Variants in RBFOX1 observed in about 807,000 individuals in gnomAD.
The protein encoded by RBFOX1 is RNA binding protein fox-1 homolog 1.
In RBFOX1, 8 loss-of-function variants were observed where a neutral mutation model predicts 57.7. The observed-to-expected ratio is 0.14, with a 90% CI of 0.08 to 0.25. The LOEUF is 0.25. Among genes scored for constraint, RBFOX1 ranks in the 10% least tolerant of loss-of-function variants. RBFOX1 has a pLI of 1.00. For synonymous variants in RBFOX1, 326 were observed against 222.4 expected, an observed-to-expected ratio of 1.47 and a Z score of -4.15; for missense variants, 611 against 548.5, an observed-to-expected ratio of 1.11 and a Z score of -1.14.
At chr16:6,787,814 G>A (rs934169886) in intron 3 of RBFOX1, among the ~76,000 whole-genome samples, 3 of 152,142 alleles carry the variant, frequency 2.0e-5, no homozygotes, top group African/African-American at 4.8e-5. Flanking sequence ...CTTAATCCAC[G>A]TCTACTGAAA....
chr16:6,785,556 A>G (rs1295015345), intron 3 of RBFOX1, among the ~76,000 whole-genome samples: 2 of 152,182 alleles, frequency 1.3e-5, no homozygotes, highest in Admixed American at 1.3e-4. Context: ...CCACTTAAAT[A>G]AAAACTTCAA....
At chr16:5,413,944 C>G (rs542163289) in intron 1 of RBFOX1, among the ~76,000 whole-genome samples, 5 of 152,264 alleles carry the variant, frequency 3.3e-5, no homozygotes, top group Middle Eastern at 3.4e-3. Flanking sequence ...CTTACGGAAT[C>G]AAATCCCTTT....
At chr16:6,575,893 A>G (rs924410536) in intron 2 of RBFOX1, among the ~76,000 whole-genome samples, 52 of 151,240 alleles carry the variant, frequency 3.4e-4, no homozygotes, top group Non-Finnish European at 1.3e-4. Context: ...AAATAAATAA[A>G]TAAAGATTAA....
chr16:6,093,434 T>A (rs994701501), intron 1 of RBFOX1, among the ~76,000 whole-genome samples: 2 of 152,022 alleles, frequency 1.3e-5, no homozygotes, highest in Non-Finnish European at 2.9e-5. Context: ...AAAATCATAG[T>A]ATATAATCAT....
At chr16:5,957,959 C>T (rs552627861) in intron 4 of RBFOX1, among the ~76,000 whole-genome samples, 1 of 152,172 alleles carries the variant, frequency 6.6e-6, no homozygotes, top group African/African-American at 2.4e-5. Flanking sequence ...CTTCCCCCCA[C>T]CATCCTCTCA....
intron 1 of RBFOX1, among the ~76,000 whole-genome samples, chr16:6,120,494 T>C (rs2096541007): frequency 6.6e-6 from 1 of 152,126 alleles, no homozygotes; most frequent in Non-Finnish European, 1.5e-5. Flanking sequence ...CCATCTTGCT[T>C]GTCATGGGAT....
chr16:6,275,855 C>G (rs778113084), intron 1 of RBFOX1, among the ~76,000 whole-genome samples: 1 of 151,930 alleles, frequency 6.6e-6, no homozygotes, highest in Non-Finnish European at 1.5e-5. Context: ...TAATATTTAC[C>G]AAATATTTTA....
intron 2 of RBFOX1, among the ~76,000 whole-genome samples, chr16:5,543,974 T>C (rs915689417): frequency 6.6e-6 from 1 of 152,196 alleles, no homozygotes; most frequent in African/African-American, 2.4e-5. Context: ...TCCAGAATTA[T>C]GATTGAACGT....
intron 1 of RBFOX1, among the ~76,000 whole-genome samples, chr16:5,313,104 C>G (rs1256422056): frequency 6.6e-6 from 1 of 152,162 alleles, no homozygotes; most frequent in Non-Finnish European, 1.5e-5. Flanking sequence ...GTCTTCACAG[C>G]CACCCTGCAA....
chr16:6,489,203 G>A lies in RBFOX1; in HGVS notation c.-63-165400G>A, dbSNP rs142169591. Among the ~76,000 whole-genome samples, 421 of 152,198 alleles carry A rather than the reference G, an allele frequency of 2.8e-3. 3 individuals are homozygous for A. Among genetic ancestry groups the A allele is most frequent in the East Asian group, 0.025 (132 of 5,186 alleles). On this transcript the variant is annotated intron_variant, in intron 2 of 15. Coordinates refer to ENST00000550418, the MANE Select transcript of RBFOX1 (RefSeq NM_018723.4). ...CTTGTCACTAGAAGAGAAATGTAAC[G>A]TCACTAAATGAATAATGGAAGAGCA... is the stretch of plus-strand genomic sequence containing the variant.
intron 3 of RBFOX1, among the ~76,000 whole-genome samples, chr16:5,699,887 G>A (rs1596819854): frequency 6.6e-6 from 1 of 152,166 alleles, no homozygotes; most frequent in East Asian, 1.9e-4. Flanking sequence ...AGGCTGGAGT[G>A]CAGTGGTGCG....
chr16:7,582,112 C>G (rs1159722631), intron 6 of RBFOX1, among the ~76,000 whole-genome samples: 2 of 151,482 alleles, frequency 1.3e-5, no homozygotes, highest in African/African-American at 4.9e-5. Flanking sequence ...TCATTGCAAC[C>G]TTTCTCCTGG....
intron 1 of RBFOX1, among the ~76,000 whole-genome samples, chr16:6,131,247 A>G (rs1036979961): frequency 2.0e-5 from 3 of 152,232 alleles, no homozygotes; most frequent in Non-Finnish European, 2.9e-5. Flanking sequence ...ACATTTATCA[A>G]AAGTCTTTAA....
chr16:7,161,109 C>T (rs1273444376), intron 4 of RBFOX1, among the ~76,000 whole-genome samples: 1 of 151,536 alleles, frequency 6.6e-6, no homozygotes, highest in Non-Finnish European at 1.5e-5. Flanking sequence ...TTAGTGTTTA[C>T]ATCAAGACCA....
intron 4 of RBFOX1, among the ~76,000 whole-genome samples, chr16:7,222,764 G>A (rs1222279643): frequency 6.6e-6 from 1 of 152,164 alleles, no homozygotes; most frequent in Non-Finnish European, 1.5e-5. Context: ...TTATCAAAGT[G>A]GTAAGCAGGA....
chr16:7,407,279 G>A (rs1304557018), intron 4 of RBFOX1, among the ~76,000 whole-genome samples: 1 of 152,054 alleles, frequency 6.6e-6, no homozygotes, highest in Non-Finnish European at 1.5e-5. Context: ...ATGTTACTCT[G>A]GCTACCACAG....
intron 1 of RBFOX1, among the ~76,000 whole-genome samples, chr16:6,215,529 TC>T (rs1388952767): frequency 6.6e-6 from 1 of 151,988 alleles, no homozygotes; most frequent in Non-Finnish European, 1.5e-5. Flanking sequence ...TTTGTTTATT[TC>T]CCATGAACGC....
At chr16:6,886,670 G>A (rs552730185) in intron 3 of RBFOX1, among the ~76,000 whole-genome samples, 11 of 151,604 alleles carry the variant, frequency 7.3e-5, no homozygotes, top group African/African-American at 1.4e-4. Context: ...CACAAGAATC[G>A]CTTGAACCCA....
At chr16:5,668,618 G>T (rs536936557) in intron 3 of RBFOX1, among the ~76,000 whole-genome samples, 2 of 152,184 alleles carry the variant, frequency 1.3e-5, no homozygotes, top group Non-Finnish European at 2.9e-5. Context: ...TGACAGGTAG[G>T]TGTGTTATGC....
Sources: allele counts gnomAD v4.1 joint callset (sites outside exome capture counted in the v4.1 genomes callset), GRCh38; gene constraint gnomAD v4.1.1; transcripts MANE v1.5; gene names NCBI Gene and HGNC (gene_info 2026-07-23, HGNC 2026-07-21).